Variants in PAQR5 observed in about 807,000 individuals in gnomAD.
PAQR5 encodes the protein membrane progestin receptor gamma.
A neutral mutation model predicts 34.5 loss-of-function variants in PAQR5; 20 were observed. The ratio of observed to expected loss-of-function variants is 0.58; its 90% CI spans 0.41 to 0.84. The LOEUF (loss-of-function observed/expected upper bound fraction) is 0.84, where lower values mean the gene tolerates loss of function less well. Ranked by LOEUF, PAQR5 falls within the 40% of genes least tolerant of loss-of-function variation. PAQR5 has a pLI of 0.00. For synonymous variants in PAQR5, 131 were observed against 155.6 expected (o/e 0.84, Z 1.18); for missense variants, 378 against 412.7 (o/e 0.92, Z 0.73).
At chr15:69,365,052 ATTTTATTTTATTTTATTTTATTTT>A (rs2055361010) in intron 3 of PAQR5, among the ~76,000 whole-genome samples, 1 of 440 alleles carries the variant, frequency 2.3e-3, no homozygotes, top group South Asian at 0.5. Flanking sequence ...TATGAATTTT[ATTTTATTTTATTTTATTTTATTTT>A]ATTTTATTTT....
chr15:69,352,508 T>C (rs1319409779), intron 2 of PAQR5, among the ~76,000 whole-genome samples: 2 of 152,232 alleles, frequency 1.3e-5, no homozygotes, highest in African/African-American at 4.8e-5. Context: ...CTGCCTTCTC[T>C]CTTCCAGCCT....
Position 69,397,540 on chromosome 15 carries a change from G to A in PAQR5, c.585G>A (p.Trp195Ter). 2 of 1,611,578 alleles carry A rather than the reference G, an allele frequency of 1.2e-6. No individual in the cohort carries two copies. Among genetic ancestry groups the A allele is most frequent in the Non-Finnish European group, 1.7e-6 (2 of 1,177,680 alleles). Reference sequence around the variant, plus strand: ...TCGCCTTTGCTTATCCGTACACCTGGGACTCCCTCCCCATCTTCTACAGGG... The same window carrying A: ...TCGCCTTTGCTTATCCGTACACCTGAGACTCCCTCCCCATCTTCTACAGGG... ...RVLAFAYPYT[W>*]DSLPIFYRLF... The change falls in exon 7 of 9, where the codon TGG becomes TGA. Residue 195 changes from tryptophan to a stop codon, truncating the protein, a stop_gained. Transcript: ENST00000395407. LOFTEE classifies it high-confidence loss of function.
chr15:69,350,780 T>C (rs964499289), intron 2 of PAQR5, among the ~76,000 whole-genome samples: 2 of 151,988 alleles, frequency 1.3e-5, no homozygotes, highest in Admixed American at 1.3e-4. Flanking sequence ...CAAAAACCCT[T>C]GAATATAGGG....
chr15:69,361,867 A>T (rs1259732886), intron 3 of PAQR5, among the ~76,000 whole-genome samples: 1 of 152,030 alleles, frequency 6.6e-6, no homozygotes, highest in African/African-American at 2.4e-5. Context: ...TGAGGGGTGG[A>T]CAGGATTGTG....
chr15:69,378,264 T>TAAAAAAAAAAAA lies in PAQR5; in HGVS notation c.52-1604_52-1593dup, dbSNP rs71149912. 2.0e-4 allele frequency among the ~76,000 whole-genome samples: 12 copies of TAAAAAAAAAAAA among 59,692 alleles called. 1 individual carries two copies. The highest frequency in any genetic ancestry group is 1.0e-3 in the African/African-American group (12 of 11,862). 39.2% of individuals were successfully genotyped at this position (59,692 alleles called of 152,430 possible). A position where few individuals can be genotyped will look rare whatever the true frequency, so the allele number is the denominator to read the frequency against. On this transcript the variant is annotated intron_variant, in intron 3 of 8. Transcript: ENST00000395407. The stretch of plus-strand genomic sequence containing the variant: ...TGGGCAACAAAATGAGACTCCATCT[T>TAAAAAAAAAAAA]AAAAAAAAAAAAAAAAAAAAAAAAA...
At chr15:69,358,071 G>A (rs2055126718) in intron 2 of PAQR5, among the ~76,000 whole-genome samples, 1 of 152,182 alleles carries the variant, frequency 6.6e-6, no homozygotes, top group Non-Finnish European at 1.5e-5. Context: ...GGACTATGAG[G>A]AGGGCTCTCA....
At position 69,405,108 on chromosome 15, in the gene PAQR5, T is replaced by C. The variant is rs903935733; in HGVS notation, c.*1286T>C. ...TAGTTCTAAAACACTGAGCATTTTC[T>C]CATTTGTTGCATTACTGATTAAAGT... is the stretch of plus-strand genomic sequence containing the variant. On this transcript the variant is annotated 3_prime_UTR_variant, in exon 9 of 9. Coordinates refer to ENST00000395407, the MANE Select transcript of PAQR5 (RefSeq NM_017705.4). 2.5e-6 allele frequency: 1 copy of C among 398,164 alleles called. No homozygotes were observed. The allele number at this position is 398,164 out of a possible 1,614,324, so 24.7% of individuals were successfully genotyped here. A position where few individuals can be genotyped will look rare whatever the true frequency, so the allele number is the denominator to read the frequency against.
chr15:69,364,512 AT>A (rs1183210675), intron 3 of PAQR5, among the ~76,000 whole-genome samples: 1 of 148,054 alleles, frequency 6.8e-6, no homozygotes, highest in Non-Finnish European at 1.5e-5. Context: ...ATATATATAC[AT>A]TATATATGTA....
chr15:69,388,091 T>C (rs764205048), intron 5 of PAQR5, among the ~76,000 whole-genome samples: 4 of 152,048 alleles, frequency 2.6e-5, no homozygotes, highest in Non-Finnish European at 5.9e-5. Flanking sequence ...GAGAGAGCCA[T>C]TGATTCCATC....
intron 1 of PAQR5, among the ~76,000 whole-genome samples, chr15:69,326,876 A>C (rs996133695): frequency 2.1e-5 from 3 of 140,350 alleles, no homozygotes; most frequent in Non-Finnish European, 4.6e-5. Context: ...ACAAACATGG[A>C]TGCATTGTTA....
intron 2 of PAQR5, among the ~76,000 whole-genome samples, chr15:69,344,748 T>A (rs917102288): frequency 7.2e-5 from 11 of 152,050 alleles, no homozygotes; most frequent in African/African-American, 2.2e-4. Flanking sequence ...CTCAGAAGAG[T>A]GGCTGTAGTT....
chr15:69,325,707 G>A (rs993200790), intron 1 of PAQR5, among the ~76,000 whole-genome samples: 2 of 152,124 alleles, frequency 1.3e-5, no homozygotes, highest in African/African-American at 4.8e-5. Context: ...ATTAACCCAA[G>A]CAGCCTACCA....
chr15:69,372,658 A>T (rs2055595991), intron 3 of PAQR5, among the ~76,000 whole-genome samples: 1 of 152,230 alleles, frequency 6.6e-6, no homozygotes, highest in South Asian at 2.1e-4. Context: ...TAATTGTTTC[A>T]TACCAGCAAT....
chr15:69,370,513 T>G (rs1333605093), intron 3 of PAQR5, among the ~76,000 whole-genome samples: 1 of 152,204 alleles, frequency 6.6e-6, no homozygotes, highest in Non-Finnish European at 1.5e-5. Flanking sequence ...TATTTTATTA[T>G]TTACTTATTT....
At chr15:69,347,577 C>G (rs563936817) in intron 2 of PAQR5, among the ~76,000 whole-genome samples, 2 of 152,270 alleles carry the variant, frequency 1.3e-5, no homozygotes, top group South Asian at 4.1e-4. Context: ...CTCTTTCTCC[C>G]TGGTGGCCAT....
At chr15:69,332,326 G>T (rs575449148) in intron 1 of PAQR5, among the ~76,000 whole-genome samples, 11 of 152,310 alleles carry the variant, frequency 7.2e-5, no homozygotes, top group Non-Finnish European at 1.3e-4. Flanking sequence ...CTTGCTACAG[G>T]TTCCTGAAAC....
chr15:69,306,928 G>T lies in PAQR5; in HGVS notation c.-277+7872G>T, dbSNP rs566329740. 6.6e-5 allele frequency among the ~76,000 whole-genome samples: 10 copies of T among 152,118 alleles called. No individual in the cohort carries two copies. In the South Asian group the frequency reaches 2.1e-3, roughly 32 times the overall value. On this transcript the variant is annotated intron_variant, in intron 1 of 8. Coordinates refer to ENST00000395407, the MANE Select transcript of PAQR5 (RefSeq NM_017705.4). ...GTACTCTAGATACCTCCTGTAAGTG[G>T]AATCATGCTGCACTTGTCTTTTTGT...
At chr15:69,332,239 C>A (rs2054396604) in intron 1 of PAQR5, among the ~76,000 whole-genome samples, 2 of 152,138 alleles carry the variant, frequency 1.3e-5, no homozygotes, top group Non-Finnish European at 2.9e-5. Context: ...AGAGGGGTAT[C>A]ACAGGATAGA....
At position 69,346,621 on chromosome 15, in the gene PAQR5, A is replaced by AT. The variant is rs59483245; in HGVS notation, c.-116+9137dup. 7.1e-3 allele frequency among the ~76,000 whole-genome samples: 945 copies of AT among 132,518 alleles called. 4 individuals carry two copies. The highest frequency in any genetic ancestry group is 0.017 in the Middle Eastern group (4 of 230). 86.9% of individuals were successfully genotyped at this position (132,518 alleles called of 152,430 possible). On this transcript the variant is annotated intron_variant, in intron 2 of 8. Transcript: ENST00000395407. ...GCGTGAGCTACCACGTCCAGCTGCA[A>AT]TTTTTTTTTTTTTTTTTGAGTACAC...
Sources: allele counts gnomAD v4.1 joint callset (sites outside exome capture counted in the v4.1 genomes callset), GRCh38; gene constraint gnomAD v4.1.1; transcripts MANE v1.5; gene names NCBI Gene and HGNC (gene_info 2026-07-23, HGNC 2026-07-21).